Variants in PCDHGB1 observed in about 807,000 individuals in gnomAD.
The protein encoded by PCDHGB1 is protocadherin gamma-B1.
In PCDHGB1, 34 loss-of-function variants were observed where a neutral mutation model predicts 56.6. That is an observed-to-expected ratio of 0.60 (90% CI 0.46 to 0.80). PCDHGB1 has a LOEUF of 0.80. PCDHGB1 is among the 30% of genes least tolerant of loss of function. The pLI is 0.00. For synonymous variants in PCDHGB1, 561 were observed against 505.9 expected, an observed-to-expected ratio of 1.11 and a Z score of -1.46; for missense variants, 1,278 against 1,204.6, an observed-to-expected ratio of 1.06 and a Z score of -0.90.
At chr5:141,419,419 C>T (rs767018815) in intron 1 of PCDHGB1, 1 of 1,613,266 alleles carries the variant, frequency 6.2e-7, no homozygotes, top group Non-Finnish European at 8.5e-7. Flanking sequence ...AGCGCGCCTT[C>T]GACCACGAGC....
At chr5:141,419,137 C>T (rs764281503) in intron 1 of PCDHGB1, 1 of 1,613,892 alleles carries the variant, frequency 6.2e-7, no homozygotes, top group Non-Finnish European at 8.5e-7. Flanking sequence ...CAGCCACAGA[C>T]AGGGGCAAGC....
Position 141,356,972 on chromosome 5 carries a change from T to C in PCDHGB1, c.2409+4303T>C, listed in dbSNP as rs1169153458. 1.2e-6 allele frequency: 2 copies of C among 1,614,222 alleles called. No homozygotes were observed. Among genetic ancestry groups the C allele is most frequent in the Non-Finnish European group, 1.7e-6 (2 of 1,180,044 alleles). On this transcript the variant is annotated intron_variant, in intron 1 of 3. Coordinates refer to ENST00000523390, the MANE Select transcript of PCDHGB1 (RefSeq NM_018922.3). ...GATTCCGGCTACCTGGTGACCAAAGTGGTGGCAGTGGACAGAGACTCAGGT... is the reference window on the plus strand; with the variant it reads ...GATTCCGGCTACCTGGTGACCAAAGCGGTGGCAGTGGACAGAGACTCAGGT...
intron 1 of PCDHGB1, chr5:141,408,869 A>G (rs754873472): frequency 1.9e-6 from 3 of 1,613,572 alleles, no homozygotes; most frequent in African/African-American, 2.7e-5. Flanking sequence ...CCCACCAAGA[A>G]GTGCCACCGC....
intron 1 of PCDHGB1, chr5:141,421,308 C>T: frequency 6.2e-7 from 1 of 1,613,678 alleles, no homozygotes; most frequent in Non-Finnish European, 8.5e-7. Flanking sequence ...TGCGGGGGTT[C>T]CGGGCCAGGC....
At chr5:141,369,467 G>T (rs1766263105) in intron 1 of PCDHGB1, among the ~76,000 whole-genome samples, 1 of 152,022 alleles carries the variant, frequency 6.6e-6, no homozygotes, top group South Asian at 2.1e-4. Context: ...AGGTGTTCTA[G>T]CCCAGCCTGG....
At chr5:141,510,315 G>A (rs2099880567) in intron 3 of PCDHGB1, among the ~76,000 whole-genome samples, 1 of 151,324 alleles carries the variant, frequency 6.6e-6, no homozygotes, top group African/African-American at 2.4e-5. Flanking sequence ...TGGAGGCTTG[G>A]AAGAGCACTC....
In PCDHGB1 at chr5:141,461,039, C is replaced by T. The variant is rs1026091108; in HGVS notation, c.2410-33768C>T. On this transcript the variant is annotated intron_variant, in intron 1 of 3. Coordinates refer to ENST00000523390, the MANE Select transcript of PCDHGB1 (RefSeq NM_018922.3). ...ACATTTTCTTTATCCACTCATTAGT[C>T]GATGGGGACTTAGGTTGGTTTCACA... is the stretch of plus-strand genomic sequence containing the variant. 2.7e-5 allele frequency among the ~76,000 whole-genome samples: 4 copies of T among 150,906 alleles called. No homozygotes were observed. In the East Asian group the frequency reaches 7.8e-4, roughly 29 times the overall value.
At chr5:141,414,064 C>T in intron 1 of PCDHGB1, 1 of 1,607,864 alleles carries the variant, frequency 6.2e-7, no homozygotes, top group Non-Finnish European at 8.5e-7. Context: ...GTTGAAGTTC[C>T]AACTAAACAA....
In PCDHGB1 at chr5:141,365,535, A is replaced by G. The variant is rs1042184144; in HGVS notation, c.2409+12866A>G. 3.1e-6 allele frequency: 5 copies of G among 1,613,822 alleles called. No individual in the cohort carries two copies. Among genetic ancestry groups the G allele is most frequent in the Non-Finnish European group, 4.2e-6 (5 of 1,179,884 alleles). On this transcript the variant is annotated intron_variant, in intron 1 of 3. Transcript: ENST00000523390. ...TTGGAGAAGTCAGTTGATAATTACTATCACCTATTAACAACTAGGGACCTG... is the reference window on the plus strand; with the variant it reads ...TTGGAGAAGTCAGTTGATAATTACTGTCACCTATTAACAACTAGGGACCTG...
chr5:141,481,856 G>A (rs1402368786), intron 1 of PCDHGB1, among the ~76,000 whole-genome samples: 1 of 149,156 alleles, frequency 6.7e-6, no homozygotes, highest in Admixed American at 6.8e-5. Flanking sequence ...GGAGGTTGCA[G>A]TGAGCCGAGA....
rs188338684 is a variant in PCDHGB1, at chr5:141,431,953, C to T, written c.2410-62854C>T. ...TGCCCTTTAAATTAGAAAAATCTTA[C>T]GGAAATTACTATAGTTTAGTCACAG... On this transcript the variant is annotated intron_variant, in intron 1 of 3. Transcript: ENST00000523390. The surrounding 1 kb of genome is among the most constrained non-coding windows in gnomAD (Gnocchi z 4.8). 2.4e-5 allele frequency: 38 copies of T among 1,614,082 alleles called. No homozygotes were observed. In the East Asian group the frequency reaches 7.6e-4, roughly 32 times the overall value.
chr5:141,457,649 A>C (rs1303184316), intron 1 of PCDHGB1, among the ~76,000 whole-genome samples: 1 of 152,282 alleles, frequency 6.6e-6, no homozygotes, highest in Non-Finnish European at 1.5e-5. Context: ...TATTTGCATG[A>C]AGTGCAGCAA....
chr5:141,375,192 A>G, intron 1 of PCDHGB1: 3 of 1,613,952 alleles, frequency 1.9e-6, no homozygotes, highest in South Asian at 2.2e-5. Context: ...GCCCTTTTTC[A>G]AGTGTTCGAT....
chr5:141,421,233 G>T (rs201076931), intron 1 of PCDHGB1: 2 of 1,592,240 alleles, frequency 1.3e-6, no homozygotes, highest in Non-Finnish European at 1.7e-6. Flanking sequence ...CTGCCATGGC[G>T]AATCGGCTAC....
intron 1 of PCDHGB1, chr5:141,392,880 C>G (rs779595460): frequency 3.1e-6 from 5 of 1,613,564 alleles, no homozygotes; most frequent in Non-Finnish European, 2.5e-6. Flanking sequence ...GCTGGGAACG[C>G]TGTGGGAAAT....
chr5:141,382,690 G>T, intron 1 of PCDHGB1: 1 of 448,422 alleles, frequency 2.2e-6, no homozygotes, highest in Middle Eastern at 5.6e-4. Flanking sequence ...AGGGAAAAAT[G>T]GTGCGAGAGA....
chr5:141,388,404 C>T, intron 1 of PCDHGB1: 1 of 1,613,952 alleles, frequency 6.2e-7, no homozygotes, highest in Non-Finnish European at 8.5e-7. Context: ...CCAACTCAGT[C>T]CCAGTGATCA....
chr5:141,395,237 G>C (rs760516487), intron 1 of PCDHGB1: 2 of 1,590,946 alleles, frequency 1.3e-6, no homozygotes, highest in Non-Finnish European at 8.6e-7. Flanking sequence ...ATCATGGTCA[G>C]GTGAGTTTAG....
chr5:141,377,580 A>G (rs1350053157), intron 1 of PCDHGB1: 1 of 151,568 alleles, frequency 6.6e-6, no homozygotes, highest in African/African-American at 2.4e-5. Context: ...TGGGAGACAG[A>G]ATGAGACTTT....
Sources: gnomAD v4.1 joint callset for allele counts (sites outside exome capture counted in the v4.1 genomes callset) on GRCh38, gnomAD v4.1.1 for gene constraint, Gnocchi (gnomAD v3.1) non-coding constraint, MANE v1.5 for transcripts, NCBI Gene and HGNC (gene_info 2026-07-23, HGNC 2026-07-21) for gene names.